SEMA4F: variants seen among roughly 807,000 people sequenced by gnomAD.
SEMA4F encodes semaphorin-4F.
A neutral mutation model predicts 78.4 loss-of-function variants in SEMA4F; 51 were observed. The observed-to-expected ratio is 0.65, with a 90% CI of 0.52 to 0.82. The LOEUF is 0.82. SEMA4F is among the 40% of genes least tolerant of loss of function. SEMA4F has a pLI of 0.00. For synonymous variants in SEMA4F, 418 were observed against 408.7 expected, an observed-to-expected ratio of 1.02 and a Z score of -0.27; for missense variants, 938 against 1,014.4, an observed-to-expected ratio of 0.92 and a Z score of 1.02.
rs1403707390 is a variant in SEMA4F at position 74,680,348 on chromosome 2, T to A, written c.*139T>A. ...ATGAGTGATTACTTGGATTTTAGTA[T>A]CTGTTCTCTCTGAGCCTGGATGGGC... On this transcript the variant is annotated 3_prime_UTR_variant, in exon 14 of 14. Coordinates refer to ENST00000357877, the MANE Select transcript of SEMA4F (RefSeq NM_004263.5). The A allele has an allele frequency of 1.0e-6, 1 of 978,896 alleles. No homozygotes were observed. Among genetic ancestry groups the A allele is most frequent in the Admixed American group, 2.9e-5 (1 of 34,488 alleles). The allele number at this position is 978,896 out of a possible 1,614,324, so 60.6% of individuals were successfully genotyped here. A position where few individuals can be genotyped will look rare whatever the true frequency, so the allele number is the denominator to read the frequency against.
At chr2:74,686,628 C>G (rs1051096767), downstream of SEMA4F, among the ~76,000 whole-genome samples, 4 of 152,164 alleles carry the variant, frequency 2.6e-5, no homozygotes, top group Non-Finnish European at 5.9e-5. Context: ...GGAACCAACC[C>G]AAATGTCCAT....
At chr2:74,706,456 A>G in the SEMA4F span, among the ~76,000 whole-genome samples, 4 of 152,198 alleles carry the variant, frequency 2.6e-5, no homozygotes, top group Non-Finnish European at 5.9e-5. Flanking sequence ...AGGGTCATGG[A>G]GATGCATAGA....
At chr2:74,690,811 A>G in the SEMA4F span, among the ~76,000 whole-genome samples, 1 of 152,204 alleles carries the variant, frequency 6.6e-6, no homozygotes, top group African/African-American at 2.4e-5. Context: ...TGCTGGTGGA[A>G]GTCCCTTCTG....
chr2:74,656,624 T>C lies in SEMA4F; in HGVS notation c.236T>C (p.Val79Ala), dbSNP rs1267996421. 6.2e-7 allele frequency: 1 copy of C among 1,614,182 alleles called. No homozygotes were observed. The highest frequency in any genetic ancestry group is 2.2e-5 in the East Asian group (1 of 44,876). The change falls in exon 2 of 14, where the codon GTT becomes GCT. Residue 79 changes from valine (V) to alanine (A), a missense_variant. Physicochemically the swap from Val to Ala is moderately conservative, Grantham distance 64. Transcript: ENST00000357877. Reference protein sequence around the residue: ...LVDPASHTLYVGARDTIFALS... With the variant: ...LVDPASHTLYAGARDTIFALS... Reference sequence around the variant, plus strand: ...GATCCTGCCTCCCACACACTTTATGTTGGCGCCCGGGACACCATCTTCGCT... The same window carrying C: ...GATCCTGCCTCCCACACACTTTATGCTGGCGCCCGGGACACCATCTTCGCT...
chr2:74,655,040 C>A (rs546286665), intron 1 of SEMA4F, among the ~76,000 whole-genome samples: 1 of 152,276 alleles, frequency 6.6e-6, no homozygotes, highest in East Asian at 1.9e-4. Context: ...TTCTCCAATT[C>A]ATTTCCCTAT....
chr2:74,702,147 C>A, the SEMA4F span, among the ~76,000 whole-genome samples: 1 of 152,150 alleles, frequency 6.6e-6, no homozygotes, highest in East Asian at 1.9e-4. Context: ...AGCCCTGAGG[C>A]ATTTGCTTTT....
At chr2:74,678,545 CT>C (rs940062816) in intron 12 of SEMA4F, among the ~76,000 whole-genome samples, 1 of 152,164 alleles carries the variant, frequency 6.6e-6, no homozygotes, top group Non-Finnish European at 1.5e-5. Flanking sequence ...TTGATTGAGG[CT>C]TTTTGTGTTC....
At chr2:74,678,440 A>G (rs981860766) in intron 12 of SEMA4F, among the ~76,000 whole-genome samples, 3 of 152,204 alleles carry the variant, frequency 2.0e-5, no homozygotes, top group African/African-American at 7.2e-5. Flanking sequence ...GTTTTACCCA[A>G]GAAATTTCCA....
chr2:74,663,046 C>T (rs1396771874), intron 5 of SEMA4F, among the ~76,000 whole-genome samples: 3 of 152,194 alleles, frequency 2.0e-5, no homozygotes, highest in African/African-American at 7.2e-5. Flanking sequence ...GTCCTCTGCA[C>T]CTCTAGTGTA....
chr2:74,674,866 A>C (rs761344645), intron 8 of SEMA4F, 22 bp from the exon 9 acceptor site: 2 of 1,612,190 alleles, frequency 1.2e-6, no homozygotes, highest in East Asian at 4.5e-5. Context: ...CCATATATCC[A>C]GCTCCAACCT....
At position 74,654,463 on chromosome 2, in the gene SEMA4F, C is replaced by T; in HGVS notation, c.87C>T (p.Ser29=). 1.3e-6 allele frequency: 2 copies of T among 1,574,962 alleles called. No homozygotes were observed. The highest frequency in any genetic ancestry group is 8.6e-7 in the Non-Finnish European group (1 of 1,165,632). ...CGCTACTGCTGCTGGCGGTGCTGAG[C>T]GGCCCGGTATCCGGCCGCGTCCCCC... ...PFPLLLLAVL[S]GPVSGRVPRS... is the part of the protein sequence containing the mutation. Residue 29 remains serine (S), a synonymous_variant, in exon 1 of 14, where the codon AGC becomes AGT. Coordinates refer to ENST00000357877, the MANE Select transcript of SEMA4F (RefSeq NM_004263.5).
In SEMA4F at chr2:74,675,382, C is replaced by T. The variant is rs755788980; in HGVS notation, c.1370C>T (p.Thr457Ile). The T allele has an allele frequency of 1.2e-6, 2 of 1,612,888 alleles. No homozygotes were observed. Among genetic ancestry groups the T allele is most frequent in the Non-Finnish European group, 1.7e-6 (2 of 1,179,312 alleles). Residue 457 changes from threonine (T) to isoleucine (I), a missense_variant and splice_region_variant, in exon 10 of 14, where the codon ACA (threonine) becomes ATA (isoleucine). Thr to Ile is a moderately conservative substitution (Grantham distance 89, BLOSUM62 -1). Coordinates refer to ENST00000357877, the MANE Select transcript of SEMA4F (RefSeq NM_004263.5). ...GKEYDVLYLGTEDGHLHRAVR... is the reference protein window; with the variant it reads ...GKEYDVLYLGIEDGHLHRAVR... ...GAGTATGATGTGCTCTACCTGGGGA[C>T]AGGTATATTTAATGGTCAAGCAGGC...
At chr2:74,656,494 G>T in intron 1 of SEMA4F, 40 bp from the exon 2 acceptor site, 1 of 1,597,886 alleles carries the variant, frequency 6.3e-7, no homozygotes, top group Non-Finnish European at 8.6e-7. Flanking sequence ...TTGACCCTTA[G>T]GAAGCGATGG....
intron 12 of SEMA4F, among the ~76,000 whole-genome samples, chr2:74,678,200 A>C (rs372154430): frequency 1.3e-5 from 2 of 152,326 alleles, no homozygotes; most frequent in African/African-American, 4.8e-5. Context: ...GGTCTTAGAT[A>C]TCCTCTATAC....
intron 5 of SEMA4F, among the ~76,000 whole-genome samples, chr2:74,667,788 T>C: frequency 6.6e-6 from 1 of 152,180 alleles, no homozygotes; most frequent in East Asian, 1.9e-4. Context: ...AATGTTGGAG[T>C]TCCTTAGGCT....
intron 5 of SEMA4F, among the ~76,000 whole-genome samples, chr2:74,671,723 A>G (rs990900064): frequency 2.6e-5 from 4 of 152,124 alleles, no homozygotes; most frequent in African/African-American, 7.2e-5. Context: ...CAGCCTTAGG[A>G]TGTGCAACAA....
the SEMA4F span, among the ~76,000 whole-genome samples, chr2:74,699,340 A>G: frequency 2.0e-5 from 3 of 152,178 alleles, no homozygotes; most frequent in Non-Finnish European, 4.4e-5. Context: ...ACTATGGCCC[A>G]CTTTACTACC....
chr2:74,689,628 G>A, the SEMA4F span, among the ~76,000 whole-genome samples: 2 of 152,128 alleles, frequency 1.3e-5, no homozygotes, highest in Non-Finnish European at 2.9e-5. Context: ...AGTGAAATTT[G>A]GTTAAATAAG....
the SEMA4F span, among the ~76,000 whole-genome samples, chr2:74,697,478 T>C: frequency 6.6e-6 from 1 of 152,150 alleles, no homozygotes; most frequent in African/African-American, 2.4e-5. Context: ...TGACTTCCGC[T>C]TGACAGATGA....
Sources: allele counts gnomAD v4.1 joint callset (sites outside exome capture counted in the v4.1 genomes callset), GRCh38; gene constraint gnomAD v4.1.1; transcripts MANE v1.5; gene names NCBI Gene and HGNC (gene_info 2026-07-23, HGNC 2026-07-21).